Variants in HHAT observed in about 807,000 individuals in gnomAD.
HHAT encodes hedgehog acyltransferase.
Under a neutral mutation model 70.8 loss-of-function variants are expected in HHAT, and 47 were observed. The observed-to-expected ratio is 0.66, with a 90% confidence interval of 0.53 to 0.85. The LOEUF (loss-of-function observed/expected upper bound fraction) is 0.85. Ranked by LOEUF, HHAT falls within the 40% of genes least tolerant of loss-of-function variation. HHAT has a pLI of 0.00. For synonymous variants in HHAT, 228 were observed against 247.6 expected (o/e 0.92, Z 0.74); for missense variants, 609 against 604.8 (o/e 1.01, Z -0.07).
chr1:210,524,464 C>G (rs1305727405), intron 9 of HHAT, among the ~76,000 whole-genome samples: 1 of 152,068 alleles, frequency 6.6e-6, no homozygotes, highest in African/African-American at 2.4e-5. Flanking sequence ...GAGGGAAGTG[C>G]AAGCCCCCGC....
At chr1:210,455,874 T>A (rs2093854903) in intron 7 of HHAT, among the ~76,000 whole-genome samples, 1 of 152,202 alleles carries the variant, frequency 6.6e-6, no homozygotes. Context: ...ATGCTTTTAC[T>A]GTTTGTGTGA....
At chr1:210,598,554 C>T (rs1289101908) in intron 10 of HHAT, among the ~76,000 whole-genome samples, 1 of 152,188 alleles carries the variant, frequency 6.6e-6, no homozygotes, top group Non-Finnish European at 1.5e-5. Flanking sequence ...TTCTAAGTGT[C>T]CCCTCCACAG....
chr1:210,540,751 C>T (rs980550635), intron 9 of HHAT, among the ~76,000 whole-genome samples: 1 of 152,020 alleles, frequency 6.6e-6, no homozygotes, highest in Non-Finnish European at 1.5e-5. Context: ...TCAAGTTATC[C>T]TCCCCTGCTT....
chr1:210,333,991 A>G (rs1468806187), intron 1 of HHAT, among the ~76,000 whole-genome samples: 1 of 151,944 alleles, frequency 6.6e-6, no homozygotes, highest in African/African-American at 2.4e-5. Flanking sequence ...CGTTGTCCAC[A>G]TCTATAATCC....
rs191161281 is a variant in HHAT, at chr1:210,619,419, G to C, written c.1246-4107G>C. Among the ~76,000 whole-genome samples, 23 of 152,258 alleles carry C rather than the reference G, an allele frequency of 1.5e-4. 1 individual carries two copies. In the East Asian group the frequency reaches 3.7e-3, roughly 24 times the overall value. On this transcript the variant is annotated intron_variant, in intron 10 of 11. Coordinates refer to ENST00000261458, the MANE Select transcript of HHAT (RefSeq NM_018194.6). ...GTGATGACACATGGTGGGCAGGATA[G>C]GAGGGGCCTGGTGGTTGAATACTGT...
At chr1:210,549,338 A>G (rs1462488128) in intron 9 of HHAT, among the ~76,000 whole-genome samples, 2 of 149,098 alleles carry the variant, frequency 1.3e-5, no homozygotes, top group Admixed American at 6.9e-5. Flanking sequence ...CTTTTAGGAA[A>G]TGCATTTTGT....
intron 6 of HHAT, among the ~76,000 whole-genome samples, chr1:210,417,574 T>C (rs4845018): frequency 2.6e-5 from 4 of 152,346 alleles, no homozygotes; most frequent in Admixed American, 2.0e-4. Flanking sequence ...TTAACTGTTA[T>C]GCTCTGCTGC....
At chr1:210,502,382 T>C in intron 8 of HHAT, among the ~76,000 whole-genome samples, 1 of 12,314 alleles carries the variant, frequency 8.1e-5, no homozygotes, top group Admixed American at 6.1e-4. Context: ...AGACTCAGTC[T>C]CAAAAAAAAA....
chr1:210,334,709 G>A (rs1466189184), intron 1 of HHAT, among the ~76,000 whole-genome samples: 9 of 146,608 alleles, frequency 6.1e-5, no homozygotes, highest in Admixed American at 3.4e-4. Flanking sequence ...TTTTTTTTGC[G>A]AATAGAAATG....
intron 1 of HHAT, chr1:210,329,362 C>T: frequency 8.4e-7 from 1 of 1,184,356 alleles, no homozygotes; most frequent in Non-Finnish European, 1.0e-6. Context: ...GCCCTGCCCA[C>T]GTCCTCTCTC....
chr1:210,406,719 A>AAT (rs2092345798), intron 6 of HHAT, among the ~76,000 whole-genome samples: 1 of 151,990 alleles, frequency 6.6e-6, no homozygotes, highest in Admixed American at 6.6e-5. Flanking sequence ...GTCTAGTAAG[A>AAT]ATATTAGAGG....
chr1:210,571,684 A>T (rs1379486638), intron 9 of HHAT, among the ~76,000 whole-genome samples: 1 of 152,188 alleles, frequency 6.6e-6, no homozygotes, highest in African/African-American at 2.4e-5. Flanking sequence ...CAAGCAAGTG[A>T]AATGCCATCA....
At chr1:210,499,730 A>G (rs375655629) in intron 8 of HHAT, among the ~76,000 whole-genome samples, 84 of 152,274 alleles carry the variant, frequency 5.5e-4, no homozygotes, top group African/African-American at 2.0e-3. Flanking sequence ...GCCCAAGGAG[A>G]CACTTAGACA....
intron 11 of HHAT, among the ~76,000 whole-genome samples, chr1:210,629,130 A>C (rs879379088): frequency 2.6e-5 from 4 of 152,218 alleles, no homozygotes; most frequent in Admixed American, 2.6e-4. Flanking sequence ...TAGACAGTCT[A>C]TCCGTGTTTA....
chr1:210,480,696 C>T (rs2094382554), intron 8 of HHAT, among the ~76,000 whole-genome samples: 1 of 152,198 alleles, frequency 6.6e-6, no homozygotes, highest in South Asian at 2.1e-4. Context: ...TACCTGGGTT[C>T]AGCTTCAGAG....
chr1:210,619,136 C>T (rs1012602116), intron 10 of HHAT, among the ~76,000 whole-genome samples: 1 of 152,134 alleles, frequency 6.6e-6, no homozygotes, highest in African/African-American at 2.4e-5. Context: ...TAGCACCTGC[C>T]CTTGCACCTG....
intron 7 of HHAT, among the ~76,000 whole-genome samples, chr1:210,424,405 G>A (rs541514013): frequency 4.0e-5 from 6 of 150,270 alleles, no homozygotes; most frequent in Non-Finnish European, 7.4e-5. Flanking sequence ...AATTCAAATA[G>A]TTTTTTTGGT....
chr1:210,593,107 C>A (rs6680703), intron 10 of HHAT, among the ~76,000 whole-genome samples: 2 of 152,038 alleles, frequency 1.3e-5, no homozygotes, highest in African/African-American at 4.8e-5. Context: ...TCAATTCCCA[C>A]CTATAAGTGA....
chr1:210,333,961 C>G (rs975948600), intron 1 of HHAT, among the ~76,000 whole-genome samples: 2 of 152,008 alleles, frequency 1.3e-5, no homozygotes, highest in African/African-American at 2.4e-5. Flanking sequence ...CTGGCTGGAA[C>G]TGCTCTTACT....
Sources: gnomAD v4.1 joint callset for allele counts (sites outside exome capture counted in the v4.1 genomes callset) on GRCh38, gnomAD v4.1.1 for gene constraint, MANE v1.5 for transcripts, NCBI Gene and HGNC (gene_info 2026-07-23, HGNC 2026-07-21) for gene names.